The following PPP2R2C variants were observed in gnomAD, a reference collection of about 807,000 sequenced individuals.
PPP2R2C encodes protein phosphatase 2, regulatory subunit B, gamma.
A neutral mutation model predicts 45.3 loss-of-function variants in PPP2R2C; 10 were observed. That is an observed-to-expected ratio of 0.22 (90% CI 0.14 to 0.37). The LOEUF is 0.37. Among genes scored for constraint, PPP2R2C ranks in the 10% least tolerant of loss-of-function variants. The pLI, the probability that PPP2R2C is intolerant of heterozygous loss-of-function variation, is 1.00. For synonymous variants in PPP2R2C, 257 were observed against 245.4 expected (o/e 1.05, Z -0.44); for missense variants, 308 against 619.7 (o/e 0.50, Z 5.34).
chr4:6,377,948 C>T (rs6853144), intron 3 of PPP2R2C, among the ~76,000 whole-genome samples: 2,924 of 152,308 alleles, frequency 0.019, 97 homozygotes, highest in African/African-American at 0.066. Context: ...CCCCGCAAGG[C>T]CGCGGTGACA....
chr4:6,335,665 C>T (rs1043037810), intron 6 of PPP2R2C, among the ~76,000 whole-genome samples: 3 of 151,964 alleles, frequency 2.0e-5, no homozygotes, highest in African/African-American at 7.3e-5. Flanking sequence ...GAAGTTCCAG[C>T]ACCCGGTGGG....
chr4:6,435,022 T>C (rs7657377), intron 1 of PPP2R2C, among the ~76,000 whole-genome samples: 145,239 of 152,252 alleles, frequency 0.95, 69,654 homozygotes, highest in East Asian at 1. Context: ...ACTCACTGTA[T>C]TTCCTTTCAG....
chr4:6,505,763 C>T (rs569994300), intron 2 of PPP2R2C, among the ~76,000 whole-genome samples: 8 of 152,104 alleles, frequency 5.3e-5, no homozygotes, highest in Non-Finnish European at 1.0e-4. Flanking sequence ...GTCAGGAGTT[C>T]AAGACCAGCC....
chr4:6,550,467 G>A (rs1013718021), intron 1 of PPP2R2C, among the ~76,000 whole-genome samples: 18 of 152,120 alleles, frequency 1.2e-4, no homozygotes, highest in South Asian at 4.1e-4. Flanking sequence ...CTCCTACAAC[G>A]CCAACCCGAA....
chr4:6,542,463 G>A (rs531244823), intron 1 of PPP2R2C, among the ~76,000 whole-genome samples: 5 of 152,316 alleles, frequency 3.3e-5, no homozygotes, highest in Admixed American at 3.3e-4. Context: ...GGAGGCCAAA[G>A]TGGGCGAATC....
At chr4:6,370,356 C>T (rs955036324) in intron 5 of PPP2R2C, among the ~76,000 whole-genome samples, 6 of 152,216 alleles carry the variant, frequency 3.9e-5, no homozygotes, top group African/African-American at 9.6e-5. Flanking sequence ...GTAAACTGTA[C>T]GGTACGGTCC....
At chr4:6,525,877 T>C (rs1360040717) in intron 2 of PPP2R2C, among the ~76,000 whole-genome samples, 2 of 152,082 alleles carry the variant, frequency 1.3e-5, no homozygotes, top group Non-Finnish European at 2.9e-5. Context: ...CTAATTTTTA[T>C]ATTTTTAGTA....
At chr4:6,361,930 C>T (rs954280907) in intron 5 of PPP2R2C, among the ~76,000 whole-genome samples, 1 of 152,164 alleles carries the variant, frequency 6.6e-6, no homozygotes, top group African/African-American at 2.4e-5. Context: ...TATAACGAGG[C>T]CCTGAGATGG....
intron 2 of PPP2R2C, among the ~76,000 whole-genome samples, chr4:6,495,013 G>A (rs1404259900): frequency 6.6e-6 from 1 of 152,210 alleles, no homozygotes; most frequent in Admixed American, 6.5e-5. Context: ...GGTTGCTGGA[G>A]GAAGAGCAAC....
chr4:6,480,063 T>A (rs1229618629), intron 2 of PPP2R2C, among the ~76,000 whole-genome samples: 1 of 152,020 alleles, frequency 6.6e-6, no homozygotes, highest in African/African-American at 2.4e-5. Flanking sequence ...ATGGCTGAAG[T>A]TCCTTTACAT....
intron 2 of PPP2R2C, among the ~76,000 whole-genome samples, chr4:6,527,873 C>T (rs1724268721): frequency 6.6e-6 from 1 of 152,152 alleles, no homozygotes; most frequent in Non-Finnish European, 1.5e-5. Context: ...CCTGGGGCCC[C>T]AGCAGGAGGA....
chr4:6,369,044 A>G (rs1714581594), intron 5 of PPP2R2C, among the ~76,000 whole-genome samples: 1 of 152,244 alleles, frequency 6.6e-6, no homozygotes, highest in Non-Finnish European at 1.5e-5. Flanking sequence ...CTCCCCCTTA[A>G]CATTGAAGCA....
At chr4:6,362,365 G>C (rs1000264868) in intron 5 of PPP2R2C, among the ~76,000 whole-genome samples, 2 of 152,140 alleles carry the variant, frequency 1.3e-5, no homozygotes, top group Non-Finnish European at 1.5e-5. Context: ...CAGGGAGCGA[G>C]TTCTAGAAAT....
In PPP2R2C at chr4:6,433,946, C is replaced by T. The variant is rs1160738756; in HGVS notation, c.70+38214G>A. Among the ~76,000 whole-genome samples, 3 of 152,258 alleles carry T rather than the reference C, an allele frequency of 2.0e-5. No homozygotes were observed. In the East Asian group the frequency reaches 5.8e-4, roughly 29 times the overall value. ...AAATGAGTATAAAATGCAAAGGGCA[C>T]AAAAAAGCTAACAGTGAAAATAAGT... On this transcript the variant is annotated intron_variant, in intron 1 of 8. Coordinates refer to ENST00000382599, the MANE Select transcript of PPP2R2C (RefSeq NM_020416.4).
At chr4:6,399,376 G>A (rs1275623970) in intron 1 of PPP2R2C, among the ~76,000 whole-genome samples, 2 of 152,182 alleles carry the variant, frequency 1.3e-5, no homozygotes, top group Non-Finnish European at 2.9e-5. Context: ...TCCCCTCAAC[G>A]TAATCGAGTC....
chr4:6,410,632 G>A (rs1042414881), intron 1 of PPP2R2C, among the ~76,000 whole-genome samples: 5 of 152,040 alleles, frequency 3.3e-5, no homozygotes, highest in African/African-American at 4.8e-5. Flanking sequence ...GTGTGTGAGG[G>A]GGTGTGGCTG....
intron 1 of PPP2R2C, chr4:6,381,541 C>A: frequency 1.4e-6 from 2 of 1,403,628 alleles, no homozygotes; most frequent in East Asian, 2.7e-5. Context: ...CAAGGCAACC[C>A]TCTGCTAGGG....
At chr4:6,475,820 C>T (rs56353909), upstream of PPP2R2C, among the ~76,000 whole-genome samples, 17,943 of 152,242 alleles carry the variant, frequency 0.12, 1,236 homozygotes, top group Non-Finnish European at 0.16. Context: ...GCACCATGTC[C>T]CCTCAAGTGC....
chr4:6,385,718 T>A (rs896065339), intron 1 of PPP2R2C, among the ~76,000 whole-genome samples: 20 of 152,200 alleles, frequency 1.3e-4, no homozygotes, highest in African/African-American at 4.3e-4. Flanking sequence ...TACAGGCACC[T>A]GCCACCACAC....
Sources: gnomAD v4.1 joint callset for allele counts (sites outside exome capture counted in the v4.1 genomes callset) on GRCh38, gnomAD v4.1.1 for gene constraint, MANE v1.5 for transcripts, NCBI Gene and HGNC (gene_info 2026-07-23, HGNC 2026-07-21) for gene names.